The following CSPP1 variants were observed in gnomAD, a reference collection of about 807,000 sequenced individuals.
The protein encoded by CSPP1 is centrosome and spindle pole associated protein 1, also known as centrosome and spindle pole-associated protein 1.
In CSPP1, 126 loss-of-function variants were observed where a neutral mutation model predicts 164.4. The ratio of observed to expected loss-of-function variants is 0.77; its 90% CI spans 0.66 to 0.89. CSPP1 has a LOEUF of 0.89. Ranked by LOEUF, CSPP1 falls within the 40% of genes least tolerant of loss-of-function variation. The pLI is 0.00. For synonymous variants in CSPP1, 472 were observed against 476.7 expected (o/e 0.99, Z 0.13); for missense variants, 1,395 against 1,449.8 (o/e 0.96, Z 0.61).
chr8:67,128,539 CA>C (rs111984957), intron 15 of CSPP1, among the ~76,000 whole-genome samples: 14,233 of 74,058 alleles, frequency 0.19, 1,059 homozygotes, highest in African/African-American at 0.36. Flanking sequence ...GACTCCATCT[CA>C]AAAAAAAAAA....
chr8:67,137,317 AG>A (rs1158403339), intron 16 of CSPP1, 138 bp from the exon 17 acceptor site: 1 of 541,030 alleles, frequency 1.8e-6, no homozygotes, highest in Admixed American at 3.7e-5. Context: ...TAACCTTTGT[AG>A]GGGGGTACAC....
In CSPP1 at chr8:67,175,380, T is replaced by G; in HGVS notation, c.3053T>G (p.Leu1018Arg). Residue 1018 changes from leucine (L) to arginine (R), a missense_variant, in exon 26 of 31, where the codon CTG becomes CGG. Leu to Arg is a moderately radical substitution (Grantham distance 102). Coordinates refer to ENST00000678616, the MANE Select transcript of CSPP1 (RefSeq NM_001382391.1). ...ACCTTAGAGATTCAGCAGCAAGCCC[T>G]GCTAAGAGAGCAGCAGAAGAGGCTG... is the stretch of plus-strand genomic sequence containing the variant. ...HHTLEIQQQA[L>R]LREQQKRLNR... is the part of the protein sequence containing the mutation. The G allele has an allele frequency of 6.2e-7, 1 of 1,614,216 alleles. No homozygotes were observed. The highest frequency in any genetic ancestry group is 8.5e-7 in the Non-Finnish European group (1 of 1,180,026).
intron 28 of CSPP1, among the ~76,000 whole-genome samples, chr8:67,185,444 A>G (rs900013087): frequency 5.3e-5 from 8 of 152,242 alleles, no homozygotes; most frequent in African/African-American, 1.9e-4. Flanking sequence ...AGCAGAGGCA[A>G]TGAATTACAA....
chr8:67,138,884 G>T (rs1051801672), intron 17 of CSPP1, among the ~76,000 whole-genome samples: 1 of 152,104 alleles, frequency 6.6e-6, no homozygotes, highest in Non-Finnish European at 1.5e-5. Flanking sequence ...GTCCTGAATG[G>T]TATTGCCTAG....
In CSPP1 at chr8:67,136,492, C is replaced by G. The variant is rs545350893; in HGVS notation, c.1828-964C>G. 2.0e-5 allele frequency among the ~76,000 whole-genome samples: 3 copies of G among 149,766 alleles called. No individual in the cohort carries two copies. In the East Asian group the frequency reaches 6.0e-4, roughly 30 times the overall value. On this transcript the variant is annotated intron_variant, in intron 16 of 30. Transcript: ENST00000678616. ...GCTGGGGCAGGAGAATGGCGTGAAC[C>G]CGGGAGGCGGAGCTTGCAGTGAGCT... is the stretch of plus-strand genomic sequence containing the variant.
In CSPP1 at chr8:67,163,804, G is replaced by A. The variant is rs369255080; in HGVS notation, c.2710+6G>A. The A allele has an allele frequency of 9.4e-5, 150 of 1,601,776 alleles. No homozygotes were observed. Among genetic ancestry groups the A allele is most frequent in the Non-Finnish European group, 1.2e-4 (146 of 1,169,432 alleles). ...AAATCAGCTCCGTGCAGAAGGTAGA[G>A]TTAACTACTAAACCTGTTACCTAGA... On this transcript the variant is annotated splice_donor_region_variant and intron_variant, in intron 23 of 30. Coordinates refer to ENST00000678616, the MANE Select transcript of CSPP1 (RefSeq NM_001382391.1).
chr8:67,179,280 A>G (rs146252670), intron 27 of CSPP1, among the ~76,000 whole-genome samples: 5 of 152,252 alleles, frequency 3.3e-5, no homozygotes, highest in African/African-American at 7.2e-5. Flanking sequence ...ATGCTCCACT[A>G]TATCTGTGCT....
At chr8:67,159,235 G>C in intron 21 of CSPP1, 98 bp downstream of exon 21, 1,550 of 947,956 alleles carry the variant, frequency 1.6e-3, no homozygotes, top group Non-Finnish European at 2.1e-3. Flanking sequence ...AGAGGAGGAG[G>C]TGCTTTTGTT....
Position 67,196,105 on chromosome 8 carries a change from G to A in CSPP1, c.*512G>A, listed in dbSNP as rs1377037215. On this transcript the variant is annotated 3_prime_UTR_variant, in exon 31 of 31. Coordinates refer to ENST00000678616, the MANE Select transcript of CSPP1 (RefSeq NM_001382391.1). ...GCTACTGATACAGCAGAAATGAAGG[G>A]AACTGTAATTACTTGTATTTTTGTA... 1.3e-5 allele frequency: 2 copies of A among 152,924 alleles called. No individual in the cohort carries two copies. The highest frequency in any genetic ancestry group is 2.4e-5 in the African/African-American group (1 of 41,424). 9.5% of individuals were successfully genotyped at this position (152,924 alleles called of 1,614,324 possible).
Position 67,158,535 on chromosome 8 carries a change from G to A in CSPP1, c.2330G>A (p.Arg777Lys), listed in dbSNP as rs1064130. Reference protein sequence around the residue: ...EKEERRLAEQRARIQQEYEEE... With the variant: ...EKEERRLAEQKARIQQEYEEE... ...GAAGAAAGACGGCTTGCAGAACAGA[G>A]GGCACGAATTCAGCAGGAGTATGAA... The change falls in exon 20 of 31, where the codon AGG becomes AAG. Residue 777 changes from arginine to lysine, a missense_variant. Coordinates refer to ENST00000678616, the MANE Select transcript of CSPP1 (RefSeq NM_001382391.1). 5 of 1,612,326 alleles carry A rather than the reference G, an allele frequency of 3.1e-6. No homozygotes were observed. The highest frequency in any genetic ancestry group is 4.2e-6 in the Non-Finnish European group (5 of 1,178,894).
At chr8:67,076,822 C>G (rs1563491945) in intron 3 of CSPP1, among the ~76,000 whole-genome samples, 1 of 152,026 alleles carries the variant, frequency 6.6e-6, no homozygotes, top group Non-Finnish European at 1.5e-5. Context: ...GTGTGTATAA[C>G]ATAACTTAAA....
intron 17 of CSPP1, among the ~76,000 whole-genome samples, chr8:67,148,027 T>C (rs905742599): frequency 6.6e-6 from 1 of 151,576 alleles, no homozygotes. Context: ...TAAGTGATCC[T>C]CCCACCTCAG....
intron 30 of CSPP1, among the ~76,000 whole-genome samples, chr8:67,194,968 C>G (rs754968549): frequency 6.6e-6 from 1 of 151,962 alleles, no homozygotes; most frequent in Non-Finnish European, 1.5e-5. Context: ...TTCCCCAAAC[C>G]TTGCTTTAAA....
chr8:67,070,412 G>C (rs1466650509), intron 1 of CSPP1, among the ~76,000 whole-genome samples: 1 of 149,308 alleles, frequency 6.7e-6, no homozygotes, highest in Non-Finnish European at 1.5e-5. Flanking sequence ...GCAGTGAGCC[G>C]AGATCGCGCC....
intron 28 of CSPP1, 119 bp downstream of exon 28, chr8:67,180,045 C>CT (rs1304409222): frequency 3.7e-6 from 2 of 546,244 alleles, no homozygotes; most frequent in Non-Finnish European, 6.3e-6. Context: ...AAGGAATATT[C>CT]TTTTTTCTGT....
chr8:67,074,258 T>TG lies in CSPP1; in HGVS notation c.7dup (p.Asp3GlyfsTer2). 2 of 1,606,588 alleles carry TG rather than the reference T, an allele frequency of 1.2e-6. No individual in the cohort carries two copies. The highest frequency in any genetic ancestry group is 1.7e-6 in the Non-Finnish European group (2 of 1,176,144). On this transcript the variant is annotated frameshift_variant, in exon 2 of 31. Transcript: ENST00000678616. LOFTEE classifies it high-confidence loss of function. ...TTTTTTAAAGAATCTGCAAAATGGC[T>TG]GATAATTTGGATGAATTTATTGAAG... is the stretch of plus-strand genomic sequence containing the variant.
chr8:67,074,211 A>G (rs1323455607), intron 1 of CSPP1, 32 bp from the exon 2 acceptor site: 2 of 1,262,002 alleles, frequency 1.6e-6, no homozygotes, highest in Non-Finnish European at 2.3e-6. Flanking sequence ...ATACTGTGAT[A>G]TAGATACGCT....
At position 67,076,866 on chromosome 8, in the gene CSPP1, A is replaced by T. The variant is rs187664379; in HGVS notation, c.199+285A>T. 1.7e-3 allele frequency among the ~76,000 whole-genome samples: 261 copies of T among 151,490 alleles called. 1 individual carries two copies. The highest frequency in any genetic ancestry group is 2.6e-3 in the Non-Finnish European group (173 of 67,752). ...ACTTTGAAAGGAATTTGTGTGTGTG[A>T]GAGAGAGAGAGAAGAGAAACTTTTA... On this transcript the variant is annotated intron_variant, in intron 3 of 30. Coordinates refer to ENST00000678616, the MANE Select transcript of CSPP1 (RefSeq NM_001382391.1).
intron 28 of CSPP1, among the ~76,000 whole-genome samples, chr8:67,188,635 G>A (rs924388326): frequency 2.0e-5 from 3 of 151,850 alleles, no homozygotes; most frequent in African/African-American, 4.8e-5. Flanking sequence ...GTTACGGCTC[G>A]AGCTGAGCTT....
Sources: allele counts gnomAD v4.1 joint callset (sites outside exome capture counted in the v4.1 genomes callset), GRCh38; gene constraint gnomAD v4.1.1; transcripts MANE v1.5; gene names NCBI Gene and HGNC (gene_info 2026-07-23, HGNC 2026-07-21).